SLCO1B1: variants seen among roughly 807,000 people sequenced by gnomAD.
SLCO1B1 encodes the protein solute carrier organic anion transporter family member 1B1, also known as OATP-2.
SLCO1B1 carries 81 observed loss-of-function variants against 70.1 expected under a neutral mutation model. That is an observed-to-expected ratio of 1.16 (90% confidence interval 0.97 to 1.39). The LOEUF (loss-of-function observed/expected upper bound fraction) is 1.39, where lower values mean the gene tolerates loss of function less well. Ranked by LOEUF, SLCO1B1 falls within the 40% of genes most tolerant of loss-of-function variation. The probability of loss-of-function intolerance (pLI) is 0.00; values close to 1 mark genes in which losing one functional copy is unlikely to be tolerated. For synonymous variants in SLCO1B1, 283 were observed against 271.5 expected (o/e 1.04, Z -0.42); for missense variants, 895 against 799.6 (o/e 1.12, Z -1.44).
chr12:21,166,966 T>C (rs995878705), intron 2 of SLCO1B1, among the ~76,000 whole-genome samples: 2 of 152,138 alleles, frequency 1.3e-5, no homozygotes, highest in Non-Finnish European at 2.9e-5. Flanking sequence ...TTTTTAGTGA[T>C]TAACAAGAAA....
At chr12:21,135,899 C>T (rs1453582560) in intron 1 of SLCO1B1, among the ~76,000 whole-genome samples, 2 of 152,124 alleles carry the variant, frequency 1.3e-5, no homozygotes, top group Non-Finnish European at 2.9e-5. Context: ...GGTTATTTTG[C>T]TCATTAGTTG....
intron 2 of SLCO1B1, among the ~76,000 whole-genome samples, chr12:21,162,592 C>T (rs1383247568): frequency 6.6e-6 from 1 of 152,120 alleles, no homozygotes; most frequent in Non-Finnish European, 1.5e-5. Context: ...CAGTGTACCA[C>T]AGATAAATGA....
chr12:21,192,080 T>C (rs1020531215), intron 7 of SLCO1B1, among the ~76,000 whole-genome samples: 1 of 152,028 alleles, frequency 6.6e-6, no homozygotes, highest in Non-Finnish European at 1.5e-5. Flanking sequence ...TTTCTTCCTT[T>C]TGGTGTCTTT....
chr12:21,230,885 C>T (rs539244072), intron 14 of SLCO1B1, among the ~76,000 whole-genome samples: 56 of 152,054 alleles, frequency 3.7e-4, no homozygotes, highest in African/African-American at 1.3e-3. Context: ...TGGTTTGTTA[C>T]ATAGGTATAC....
intron 7 of SLCO1B1, among the ~76,000 whole-genome samples, chr12:21,190,309 G>A (rs542903607): frequency 6.6e-6 from 1 of 152,260 alleles, no homozygotes; most frequent in Admixed American, 6.5e-5. Flanking sequence ...TCGGCATTAT[G>A]TCTGTACTAA....
At chr12:21,185,081 C>G (rs888859276) in intron 7 of SLCO1B1, among the ~76,000 whole-genome samples, 10 of 152,060 alleles carry the variant, frequency 6.6e-5, no homozygotes, top group Non-Finnish European at 1.5e-4. Context: ...AATATATATG[C>G]AGTCAAAAGT....
intron 8 of SLCO1B1, among the ~76,000 whole-genome samples, chr12:21,197,562 T>C (rs1941108567): frequency 6.6e-6 from 1 of 152,088 alleles, no homozygotes; most frequent in Non-Finnish European, 1.5e-5. Flanking sequence ...AACTGTACTA[T>C]GCCCTGGTAA....
At chr12:21,201,996 T>C (rs1941163918) in intron 9 of SLCO1B1, among the ~76,000 whole-genome samples, 1 of 152,146 alleles carries the variant, frequency 6.6e-6, no homozygotes, top group Admixed American at 6.6e-5. Flanking sequence ...AAAGAAAATG[T>C]GGCACATGTG....
intron 1 of SLCO1B1, among the ~76,000 whole-genome samples, chr12:21,134,503 A>C (rs1940189212): frequency 6.6e-6 from 1 of 152,108 alleles, no homozygotes; most frequent in Admixed American, 6.5e-5. Context: ...TATTGCCTCA[A>C]TTTCAGAGCC....
chr12:21,210,699 A>G (rs1259102242), intron 11 of SLCO1B1, among the ~76,000 whole-genome samples: 2 of 148,498 alleles, frequency 1.3e-5, no homozygotes, highest in Admixed American at 6.7e-5. Context: ...TGAGCATGGA[A>G]TGTTCTTCCA....
chr12:21,202,761 G>T, intron 10 of SLCO1B1, 75 bp downstream of exon 10: 2 of 1,170,936 alleles, frequency 1.7e-6, no homozygotes, highest in Non-Finnish European at 2.4e-6. Context: ...AGTAATATAA[G>T]GCAGAAAACA....
rs762534847 is a variant in SLCO1B1 at position 21,224,881 on chromosome 12, ATATT to A, written c.1865+43_1865+46del. On this transcript the variant is annotated intron_variant, in intron 14 of 14. Transcript: ENST00000256958. Reference sequence around the variant, plus strand: ...ATATTTCATTATTTTTTCTTTGACTATATTAATTCCTAAAAAATATCATTTTCAT... The same window carrying A: ...ATATTTCATTATTTTTTCTTTGACTAAATTCCTAAAAAATATCATTTTCAT... 2.6e-5 allele frequency: 26 copies of A among 1,009,572 alleles called. No individual in the cohort carries two copies. The Admixed American group carries it at 4.6e-4, about 18-fold the overall frequency. 62.5% of individuals were successfully genotyped at this position (1,009,572 alleles called of 1,614,324 possible).
chr12:21,225,606 C>A lies in SLCO1B1; in HGVS notation c.1865+767C>A, dbSNP rs907430082. Reference sequence around the variant, plus strand: ...GACAAAATATTTATAAAATCTGCATCATTAAACTTTGAAAAGGAAATTTCA... The same window carrying A: ...GACAAAATATTTATAAAATCTGCATAATTAAACTTTGAAAAGGAAATTTCA... On this transcript the variant is annotated intron_variant, in intron 14 of 14. Transcript: ENST00000256958. Among the ~76,000 whole-genome samples the A allele has an allele frequency of 4.1e-4, 62 of 152,068 alleles. 1 individual carries two copies. Among genetic ancestry groups the A allele is most frequent in the Admixed American group, 4.1e-3 (62 of 15,258 alleles).
chr12:21,161,548 G>GA (rs1463433796), intron 2 of SLCO1B1, among the ~76,000 whole-genome samples: 1 of 151,984 alleles, frequency 6.6e-6, no homozygotes, highest in Non-Finnish European at 1.5e-5. Flanking sequence ...GAGAGAAGCA[G>GA]AAGAAATAAC....
At chr12:21,218,543 G>A (rs1941386596) in intron 12 of SLCO1B1, among the ~76,000 whole-genome samples, 1 of 151,926 alleles carries the variant, frequency 6.6e-6, no homozygotes, top group African/African-American at 2.4e-5. Flanking sequence ...TTTTGACCCT[G>A]ACTGCAAATC....
chr12:21,156,032 C>T (rs1340539615), intron 2 of SLCO1B1, among the ~76,000 whole-genome samples: 1 of 151,756 alleles, frequency 6.6e-6, no homozygotes, highest in African/African-American at 2.4e-5. Context: ...GTATTGAAGG[C>T]AACAAAAAAT....
At chr12:21,158,702 A>C (rs1461625954) in intron 2 of SLCO1B1, among the ~76,000 whole-genome samples, 2 of 152,196 alleles carry the variant, frequency 1.3e-5, no homozygotes, top group Admixed American at 6.5e-5. Flanking sequence ...TCAAGAAAAA[A>C]AAAATTCTCA....
intron 1 of SLCO1B1, among the ~76,000 whole-genome samples, chr12:21,136,807 A>G (rs940266550): frequency 6.6e-6 from 1 of 151,964 alleles, no homozygotes; most frequent in African/African-American, 2.4e-5. Context: ...TAGTTTGATC[A>G]TCTGAAGCCT....
At chr12:21,163,506 G>T (rs1171800492) in intron 2 of SLCO1B1, among the ~76,000 whole-genome samples, 5 of 152,098 alleles carry the variant, frequency 3.3e-5, no homozygotes, top group African/African-American at 9.7e-5. Context: ...TGCAAACTCT[G>T]TCTTCTTGGT....
Sources: allele counts gnomAD v4.1 joint callset (sites outside exome capture counted in the v4.1 genomes callset), GRCh38; gene constraint gnomAD v4.1.1; transcripts MANE v1.5; gene names NCBI Gene and HGNC (gene_info 2026-07-23, HGNC 2026-07-21).